Variants in LPCAT1 observed in about 807,000 individuals in gnomAD.
LPCAT1 encodes lysophosphatidylcholine acyltransferase 1.
LPCAT1 carries 23 observed loss-of-function variants against 60.9 expected under a neutral mutation model. That is an observed-to-expected ratio of 0.38 (90% CI 0.27 to 0.53). The LOEUF is 0.53. LPCAT1 is among the 20% of genes least tolerant of loss of function. The probability of loss-of-function intolerance (pLI) is 0.82; values close to 1 mark genes in which losing one functional copy is unlikely to be tolerated. For missense variants in LPCAT1, 622 were observed against 723.6 expected (o/e 0.86, Z 1.61); for synonymous variants, 340 against 301.1 (o/e 1.13, Z -1.34).
intron 1 of LPCAT1, among the ~76,000 whole-genome samples, chr5:1,520,969 C>T (rs1054414205): frequency 2.0e-5 from 3 of 151,644 alleles, no homozygotes; most frequent in African/African-American, 7.3e-5. Flanking sequence ...AAGGAAAGTA[C>T]CGAGAAAACC....
chr5:1,509,757 C>T (rs996863569), intron 1 of LPCAT1, among the ~76,000 whole-genome samples: 9 of 152,350 alleles, frequency 5.9e-5, no homozygotes, highest in African/African-American at 1.7e-4. Flanking sequence ...TCAGCGATCA[C>T]GCCCACAATG....
rs139433174 is a variant in LPCAT1 at position 1,523,137 on chromosome 5, C to T, written c.135+573G>A. Among the ~76,000 whole-genome samples, 1 of 152,258 alleles carries T rather than the reference C, an allele frequency of 6.6e-6. No homozygotes were observed. The highest frequency in any genetic ancestry group is 1.9e-4 in the East Asian group (1 of 5,188). On this transcript the variant is annotated intron_variant, in intron 1 of 13. Transcript: ENST00000283415. This position sits in a 1 kb window ranked among gnomAD's most constrained non-coding sequence, Gnocchi z 7.1. ...ACCCGTGCGCCTACAGGGGACCCTA[C>T]AGGGGACCCGCACCGCCCGCGCGCC...
intron 1 of LPCAT1, among the ~76,000 whole-genome samples, chr5:1,518,390 G>C (rs1359502357): frequency 6.6e-6 from 1 of 152,198 alleles, no homozygotes; most frequent in African/African-American, 2.4e-5. Context: ...GCCCAGGCTG[G>C]AGTGCAGTGG....
rs56264807 is a variant in LPCAT1 at position 1,463,474 on chromosome 5, T to C, written c.*177A>G. 0.061 allele frequency: 41,927 copies of C among 685,212 alleles called. 1,459 individuals carry two copies. Among genetic ancestry groups the C allele is most frequent in the Middle Eastern group, 0.086 (206 of 2,406 alleles). The allele number at this position is 685,212 out of a possible 1,614,324, so 42.4% of individuals were successfully genotyped here. On this transcript the variant is annotated 3_prime_UTR_variant, in exon 14 of 14. Transcript: ENST00000283415. ...ATTCTCGCACAGTAAGCGTCGGTTC[T>C]GCAACACACTTCACAAAGGAACAAG...
In LPCAT1 at chr5:1,522,013, C is replaced by T. The variant is rs1736691982; in HGVS notation, c.135+1697G>A. Among the ~76,000 whole-genome samples, 2 of 152,230 alleles carry T rather than the reference C, an allele frequency of 1.3e-5. No homozygotes were observed. Among genetic ancestry groups the T allele is most frequent in the African/African-American group, 2.4e-5 (1 of 41,464 alleles). On this transcript the variant is annotated intron_variant, in intron 1 of 13. Coordinates refer to ENST00000283415, the MANE Select transcript of LPCAT1 (RefSeq NM_024830.5). This position sits in a 1 kb window ranked among gnomAD's most constrained non-coding sequence, Gnocchi z 6.8. ...GGATGACGAAGTGGCCTCCGGGGAC[C>T]TCCAGGGAGGGGCTTGATGTTTCCC...
rs375168524 is a variant in LPCAT1 at position 1,487,253 on chromosome 5, C to T, written c.667+1138G>A. Among the ~76,000 whole-genome samples the T allele has an allele frequency of 3.3e-5, 5 of 152,234 alleles. No individual in the cohort carries two copies. The highest frequency in any genetic ancestry group is 1.3e-4 in the Admixed American group (2 of 15,286). The stretch of plus-strand genomic sequence containing the variant: ...CTTCACCAAGGTTGCCCACAGGCCA[C>T]GCCCAGGCACGGACCCAGTGTGGTG... On this transcript the variant is annotated intron_variant, in intron 5 of 13. Coordinates refer to ENST00000283415, the MANE Select transcript of LPCAT1 (RefSeq NM_024830.5). This position sits in a 1 kb window ranked among gnomAD's most constrained non-coding sequence, Gnocchi z 6.1.
At chr5:1,465,048 CGCACGCACAAGT>C (rs1027659442) in intron 13 of LPCAT1, among the ~76,000 whole-genome samples, 3 of 141,462 alleles carry the variant, frequency 2.1e-5, no homozygotes, top group African/African-American at 5.3e-5. Flanking sequence ...AACACACATG[CGCACGCACAAGT>C]GCACGCACAC....
At chr5:1,475,394 C>T (rs1449185994) in intron 9 of LPCAT1, among the ~76,000 whole-genome samples, 1 of 152,216 alleles carries the variant, frequency 6.6e-6, no homozygotes, top group African/African-American at 2.4e-5. Context: ...ACCAGGAGCC[C>T]TGGCTGGGAG....
chr5:1,467,044 T>C, intron 12 of LPCAT1, 154 bp from the exon 13 acceptor site: 3 of 719,476 alleles, frequency 4.2e-6, no homozygotes, highest in Non-Finnish European at 5.9e-6. Flanking sequence ...AACTTCCATG[T>C]GGAGCCATGC....
rs1736723593 is a variant in LPCAT1 at position 1,523,125 on chromosome 5, C to T, written c.135+585G>A. On this transcript the variant is annotated intron_variant, in intron 1 of 13. Coordinates refer to ENST00000283415, the MANE Select transcript of LPCAT1 (RefSeq NM_024830.5). This position sits in a 1 kb window ranked among gnomAD's most constrained non-coding sequence, Gnocchi z 7.1. Reference sequence around the variant, plus strand: ...CAGAGCAGGGAGACCCGTGCGCCTACAGGGGACCCTACAGGGGACCCGCAC... The same window carrying T: ...CAGAGCAGGGAGACCCGTGCGCCTATAGGGGACCCTACAGGGGACCCGCAC... 6.6e-6 allele frequency among the ~76,000 whole-genome samples: 1 copy of T among 151,530 alleles called. No individual in the cohort carries two copies. The highest frequency in any genetic ancestry group is 2.4e-5 in the African/African-American group (1 of 41,426).
chr5:1,466,330 GC>G (rs1286764042), intron 13 of LPCAT1, among the ~76,000 whole-genome samples: 6 of 151,938 alleles, frequency 3.9e-5, no homozygotes, highest in Admixed American at 3.3e-4. Context: ...GGTCTGCAGC[GC>G]CCGCCTCCTC....
intron 8 of LPCAT1, chr5:1,479,366 C>T (rs1221198321): frequency 1.9e-6 from 1 of 526,770 alleles, no homozygotes; most frequent in Non-Finnish European, 3.4e-6. Context: ...CAGAGCAAGA[C>T]AAAATGCTGT....
At chr5:1,464,917 C>T (rs1253888208) in intron 13 of LPCAT1, among the ~76,000 whole-genome samples, 4 of 150,884 alleles carry the variant, frequency 2.7e-5, no homozygotes, top group Admixed American at 1.3e-4. Flanking sequence ...AACACACATG[C>T]GTGCACACAC....
At chr5:1,468,308 G>C (rs1394012940) in intron 12 of LPCAT1, among the ~76,000 whole-genome samples, 3 of 152,222 alleles carry the variant, frequency 2.0e-5, no homozygotes, top group African/African-American at 2.4e-5. Context: ...TAGATTTGCT[G>C]AATCAAACAT....
At chr5:1,489,924 C>A (rs573631294) in intron 3 of LPCAT1, 66 bp from the exon 4 acceptor site, 10 of 1,172,328 alleles carry the variant, frequency 8.5e-6, no homozygotes, top group Non-Finnish European at 1.3e-5. Context: ...GGCTGAGGAA[C>A]GAGGGGGCTG....
Position 1,483,517 on chromosome 5 carries a change from T to A in LPCAT1, c.668-31A>T. 6.2e-7 allele frequency: 1 copy of A among 1,611,334 alleles called. No individual in the cohort carries two copies. Among genetic ancestry groups the A allele is most frequent in the Non-Finnish European group, 8.5e-7 (1 of 1,178,058 alleles). Reference sequence around the variant, plus strand: ...GAGAAAGGAACAGCGGTGTTGCCCATGGCAGCCCACGCAGGACAGCGTCTG... The same window carrying A: ...GAGAAAGGAACAGCGGTGTTGCCCAAGGCAGCCCACGCAGGACAGCGTCTG... On this transcript the variant is annotated intron_variant, in intron 5 of 13. Coordinates refer to ENST00000283415, the MANE Select transcript of LPCAT1 (RefSeq NM_024830.5). This position sits in a 1 kb window ranked among gnomAD's most constrained non-coding sequence, Gnocchi z 9.2.
intron 13 of LPCAT1, among the ~76,000 whole-genome samples, chr5:1,464,616 G>A (rs1734252171): frequency 6.8e-6 from 1 of 148,006 alleles, no homozygotes; most frequent in Non-Finnish European, 1.5e-5. Flanking sequence ...CACAAAACAA[G>A]CACACACACG....
chr5:1,500,299 A>C (rs1040231392), intron 2 of LPCAT1, among the ~76,000 whole-genome samples: 1 of 152,282 alleles, frequency 6.6e-6, no homozygotes, highest in South Asian at 2.1e-4. Flanking sequence ...AGTATTTATG[A>C]TATCTCAACA....
In LPCAT1 at chr5:1,522,529, G is replaced by GGCTCTCCT. The variant is rs1736707593; in HGVS notation, c.135+1173_135+1180dup. ...GTCACCAGGAGGGGCGGCACCATCG[G>GGCTCTCCT]GCTCTCCTGCTCCCCGTCCCCTTCC... On this transcript the variant is annotated intron_variant, in intron 1 of 13. Coordinates refer to ENST00000283415, the MANE Select transcript of LPCAT1 (RefSeq NM_024830.5). The surrounding 1 kb of genome is among the most constrained non-coding windows in gnomAD (Gnocchi z 6.8). 6.6e-6 allele frequency among the ~76,000 whole-genome samples: 1 copy of GGCTCTCCT among 152,126 alleles called. No individual in the cohort carries two copies. The highest frequency in any genetic ancestry group is 1.5e-5 in the Non-Finnish European group (1 of 68,018).
Sources: allele counts gnomAD v4.1 joint callset (sites outside exome capture counted in the v4.1 genomes callset), GRCh38; gene constraint gnomAD v4.1.1; non-coding constraint Gnocchi (gnomAD v3.1); transcripts MANE v1.5; gene names NCBI Gene and HGNC (gene_info 2026-07-23, HGNC 2026-07-21).